CAPRIN2: variants seen among roughly 807,000 people sequenced by gnomAD.
CAPRIN2 encodes caprin-2.
In CAPRIN2, 66 loss-of-function variants were observed where a neutral mutation model predicts 130.4. The ratio of observed to expected loss-of-function variants is 0.51; its 90% CI spans 0.42 to 0.62. CAPRIN2 has a LOEUF of 0.62. CAPRIN2 is among the 20% of genes least tolerant of loss of function. CAPRIN2 has a pLI of 0.00. For missense variants in CAPRIN2, 1,185 were observed against 1,246.6 expected (o/e 0.95, Z 0.74); for synonymous variants, 471 against 444.1 (o/e 1.06, Z -0.76).
intron 2 of CAPRIN2, among the ~76,000 whole-genome samples, chr12:30,744,353 T>C (rs1289904696): frequency 6.6e-6 from 1 of 152,208 alleles, no homozygotes; most frequent in Non-Finnish European, 1.5e-5. Context: ...CTTAAACATA[T>C]CTGTACCATT....
At chr12:30,722,630 G>A (rs1031502438) in intron 11 of CAPRIN2, among the ~76,000 whole-genome samples, 12 of 152,224 alleles carry the variant, frequency 7.9e-5, no homozygotes, top group Middle Eastern at 3.2e-3. Flanking sequence ...GCTGAGTGCA[G>A]TGGCTCACAC....
chr12:30,751,894 T>G, intron 1 of CAPRIN2, among the ~76,000 whole-genome samples: 1 of 146,512 alleles, frequency 6.8e-6, no homozygotes, highest in African/African-American at 2.5e-5. Flanking sequence ...AATAATGACA[T>G]AAACCCACTA....
intron 9 of CAPRIN2, 119 bp from the exon 11 acceptor site, chr12:30,724,570 AAGC>A: frequency 1.5e-6 from 1 of 668,084 alleles, no homozygotes; most frequent in Non-Finnish European, 2.6e-6. Context: ...TATCTAGCTA[AAGC>A]TATAGGTATC....
At chr12:30,714,917 G>A (rs1316324564) in intron 14 of CAPRIN2, 42 bp downstream of exon 16, 2 of 1,527,816 alleles carry the variant, frequency 1.3e-6, no homozygotes, top group African/African-American at 1.4e-5. Context: ...TAAACACACA[G>A]ACAAAATAAT....
exon 1 of CAPRIN2, chr12:30,754,453 G>C (rs146167357): frequency 0.018 from 2,720 of 152,782 alleles, 69 homozygotes; most frequent in African/African-American, 0.062. Flanking sequence ...TCAAGTCTCC[G>C]GGGGAGCCTG....
At chr12:30,753,468 C>G in exon 1 of CAPRIN2, 3 of 1,614,148 alleles carry the variant, frequency 1.9e-6, no homozygotes, top group African/African-American at 1.3e-5. Context: ...GCTCAAGGCC[C>G]GCTGGCTTTC....
intron 12 of CAPRIN2, 200 bp downstream of exon 13, chr12:30,720,611 A>C (rs2059115718): frequency 2.1e-6 from 1 of 476,560 alleles, no homozygotes; most frequent in African/African-American, 1.9e-5. Flanking sequence ...ATAAGGCAAT[A>C]CCATATTAAA....
At chr12:30,728,983 A>G (rs2061755389) in exon 8 of CAPRIN2, 1 of 1,613,992 alleles carries the variant, frequency 6.2e-7, no homozygotes, top group Admixed American at 1.7e-5. Flanking sequence ...TCTTGAACAT[A>G]CCCTGCTTTG....
At chr12:30,744,812 C>G (rs940594974) in intron 2 of CAPRIN2, among the ~76,000 whole-genome samples, 5 of 152,120 alleles carry the variant, frequency 3.3e-5, no homozygotes, top group African/African-American at 9.7e-5. Context: ...ATATTAAGTA[C>G]AGCACCTCCT....
chr12:30,749,823 T>G (rs2072812159), intron 2 of CAPRIN2, among the ~76,000 whole-genome samples: 1 of 152,178 alleles, frequency 6.6e-6, no homozygotes, highest in Non-Finnish European at 1.5e-5. Flanking sequence ...GTTCATACAT[T>G]TATTATAGAA....
At chr12:30,723,364 CG>C in intron 10 of CAPRIN2, 50 bp from the exon 12 acceptor site, 2 of 1,257,852 alleles carry the variant, frequency 1.6e-6, no homozygotes, top group South Asian at 2.5e-5. Context: ...CAAAAGCTTA[CG>C]CATATCAACT....
In CAPRIN2 at chr12:30,741,186, T is replaced by C; in HGVS notation, c.484-80A>G. 5.1e-6 allele frequency: 4 copies of C among 782,968 alleles called. No homozygotes were observed. In the South Asian group the frequency reaches 6.1e-5, roughly 12 times the overall value. 48.5% of individuals were successfully genotyped at this position (782,968 alleles called of 1,614,324 possible). Reference sequence around the variant, plus strand: ...TGAAAATAATGTTTCTTAAATACAGTAGAAGAGATTTAAGATCTTATGGCT... The same window carrying C: ...TGAAAATAATGTTTCTTAAATACAGCAGAAGAGATTTAAGATCTTATGGCT... On this transcript the variant is annotated intron_variant, in intron 2 of 16. Coordinates refer to ENST00000298892, the Ensembl canonical transcript of CAPRIN2.
rs201487970 is a variant in CAPRIN2, at chr12:30,714,951, G to A, written c.2500+8C>T. 531 of 1,608,554 alleles carry A rather than the reference G, an allele frequency of 3.3e-4. 1 individual carries two copies. The Middle Eastern group carries it at 7.4e-3, about 23-fold the overall frequency. Reference sequence around the variant, plus strand: ...ATTCAGTATAATTCAATTTTATTCAGGGCATACCTTTATAACCACCAGGGG... The same window carrying A: ...ATTCAGTATAATTCAATTTTATTCAAGGCATACCTTTATAACCACCAGGGG... On this transcript the variant is annotated splice_region_variant and intron_variant, in intron 14 of 16. Transcript: ENST00000298892.
rs2061811874 is a variant in CAPRIN2, at chr12:30,729,161, C to T, written c.1269G>A (p.Trp423Ter). Residue 423 changes from tryptophan (W) to a stop codon, truncating the protein, a stop_gained, in exon 8 of 17, where the codon TGG becomes TGA. Coordinates refer to ENST00000298892, the Ensembl canonical transcript of CAPRIN2. LOFTEE classifies it high-confidence loss of function. ...CCTCCTGGTGCTTACCAGAAGCCTC[C>T]CAGGACTTAAAGGACTCCTGTTTCT... The T allele has an allele frequency of 6.2e-7, 1 of 1,613,834 alleles. No homozygotes were observed. The highest frequency in any genetic ancestry group is 1.3e-5 in the African/African-American group (1 of 74,864).
exon 8 of CAPRIN2, chr12:30,728,923 T>C (rs756962788): frequency 6.2e-7 from 1 of 1,614,080 alleles, no homozygotes; most frequent in East Asian, 2.2e-5. Flanking sequence ...TCTTGTTCTT[T>C]CTGCAGCTGA....
intron 12 of CAPRIN2, 67 bp from the exon 15 acceptor site, chr12:30,716,743 A>G: frequency 6.9e-7 from 1 of 1,442,996 alleles, no homozygotes; most frequent in South Asian, 1.3e-5. Context: ...GGTGGTATCC[A>G]GCAAAATTGT....
chr12:30,711,677 A>G, intron 15 of CAPRIN2, 48 bp from the exon 18 acceptor site: 2 of 1,462,006 alleles, frequency 1.4e-6, no homozygotes, highest in Non-Finnish European at 1.9e-6. Context: ...ATGCAGGACT[A>G]TAATTGGTTA....
At position 30,753,324 on chromosome 12, in the gene CAPRIN2, A is replaced by C; in HGVS notation, c.420+20T>G. On this transcript the variant is annotated intron_variant, in intron 1 of 16. Coordinates refer to ENST00000298892, the Ensembl canonical transcript of CAPRIN2. ...ATCTTTAAGATCATGCATCTACAGG[A>C]CTGGAAGAAAAAAAGTTACCTTCTT... 1 of 1,585,830 alleles carries C rather than the reference A, an allele frequency of 6.3e-7. No homozygotes were observed. Among genetic ancestry groups the C allele is most frequent in the African/African-American group, 1.3e-5 (1 of 74,152 alleles).
rs375284067 is a variant in CAPRIN2 at position 30,715,096 on chromosome 12, A to G, written c.2363T>C (p.Leu788Pro). Residue 788 changes from leucine (L) to proline (P), a missense_variant, in exon 14 of 17, where the codon CTT becomes CCT. Coordinates refer to ENST00000298892, the Ensembl canonical transcript of CAPRIN2. ...ATTCGTCTGTGCTGGGTAAAAGGCA[A>G]GGCTACCATTGCTTACTTGAATAGT... 57 of 1,613,996 alleles carry G rather than the reference A, an allele frequency of 3.5e-5. 1 individual carries two copies. In the African/African-American group the frequency reaches 5.3e-4, roughly 15 times the overall value.
Sources: gnomAD v4.1 joint callset for allele counts (sites outside exome capture counted in the v4.1 genomes callset) on GRCh38, gnomAD v4.1.1 for gene constraint, MANE v1.5 for transcripts, NCBI Gene and HGNC (gene_info 2026-07-23, HGNC 2026-07-21) for gene names.